The following EXD1 variants were observed in gnomAD, a reference collection of about 807,000 sequenced individuals.
EXD1 encodes piRNA biogenesis protein EXD1.
A neutral mutation model predicts 49.1 loss-of-function variants in EXD1; 63 were observed. The observed-to-expected ratio is 1.28, with a 90% CI of 1.05 to 1.58. EXD1 has a LOEUF of 1.58. Among genes scored for constraint, EXD1 ranks in the 40% most tolerant of loss-of-function variants. The pLI is 0.00. For synonymous variants in EXD1, 234 were observed against 239.2 expected (o/e 0.98, Z 0.20); for missense variants, 748 against 666.0 (o/e 1.12, Z -1.36).
At chr15:41,215,636 A>G (rs1595453495) in intron 6 of EXD1, 139 bp downstream of exon 6, 1 of 791,194 alleles carries the variant, frequency 1.3e-6, no homozygotes, top group East Asian at 2.6e-5. Context: ...CAGTGAGCCA[A>G]GATTGGTCCA....
intron 2 of EXD1, 98 bp from the exon 3 acceptor site, chr15:41,219,996 T>TA (rs2047062036): frequency 3.3e-5 from 28 of 849,862 alleles, no homozygotes; most frequent in Middle Eastern, 2.4e-4. Flanking sequence ...TGAGTTGTAT[T>TA]TAAAAAAAAA....
chr15:41,202,690 C>A (rs1011491688), intron 7 of EXD1, among the ~76,000 whole-genome samples: 1 of 152,126 alleles, frequency 6.6e-6, no homozygotes, highest in Non-Finnish European at 1.5e-5. Context: ...TGGTCTCCAA[C>A]TCCTGGCTTC....
At chr15:41,204,902 G>A (rs764279035) in intron 7 of EXD1, among the ~76,000 whole-genome samples, 5 of 152,092 alleles carry the variant, frequency 3.3e-5, no homozygotes, top group African/African-American at 9.7e-5. Context: ...AGAGGGTCCC[G>A]CTACATACCA....
At chr15:41,186,505 A>C in intron 11 of EXD1, among the ~76,000 whole-genome samples, 1 of 150,198 alleles carries the variant, frequency 6.7e-6, no homozygotes, top group Non-Finnish European at 1.5e-5. Flanking sequence ...AAAAAAAAGA[A>C]TGGTTGCATT....
In EXD1 at chr15:41,189,949, A is replaced by C; in HGVS notation, c.1044T>G (p.Leu348=). 6.2e-7 allele frequency: 1 copy of C among 1,613,990 alleles called. No individual in the cohort carries two copies. The highest frequency in any genetic ancestry group is 8.5e-7 in the Non-Finnish European group (1 of 1,179,932). The change falls in exon 11 of 12, where the codon CTT becomes CTG. Residue 348 remains leucine (L), a synonymous_variant. Coordinates refer to ENST00000458580, the MANE Select transcript of EXD1 (RefSeq NM_001286441.2). ...NTYREGSADR[L]GGTEPTCMEL... ...GAGCTGCACCTACCTCAGTGCCTCC[A>C]AGCCGGTCTGCAGACCCTTCGCGAT...
chr15:41,215,924 C>G, intron 5 of EXD1, 91 bp from the exon 6 acceptor site: 1 of 1,293,266 alleles, frequency 7.7e-7, no homozygotes, highest in Non-Finnish European at 1.1e-6. Context: ...TATATTCCTA[C>G]TGTATTGCAA....
At chr15:41,228,983 AG>A (rs1235411977) in intron 1 of EXD1, among the ~76,000 whole-genome samples, 1 of 152,190 alleles carries the variant, frequency 6.6e-6, no homozygotes, top group Non-Finnish European at 1.5e-5. Flanking sequence ...GAAGGAAAAA[AG>A]TAAGGTCAGC....
Position 41,193,753 on chromosome 15 carries a change from A to T in EXD1, c.720+2022T>A, listed in dbSNP as rs2046568102. 4.6e-5 allele frequency among the ~76,000 whole-genome samples: 7 copies of T among 151,980 alleles called. No homozygotes were observed. The South Asian group carries it at 1.2e-3, about 27-fold the overall frequency. On this transcript the variant is annotated intron_variant, in intron 9 of 11. Coordinates refer to ENST00000458580, the MANE Select transcript of EXD1 (RefSeq NM_001286441.2). ...AGAGCCAGACCTTGTCTCAAAAAAA[A>T]AAAATTACTTTTATTATCTACTGGT...
At chr15:41,186,470 C>CAAAAAA (rs58793050) in intron 11 of EXD1, among the ~76,000 whole-genome samples, 2 of 68,282 alleles carry the variant, frequency 2.9e-5, no homozygotes, top group Non-Finnish European at 5.5e-5. Context: ...GACTCTGTCT[C>CAAAAAA]AAAAAAAAAA....
chr15:41,227,728 A>C (rs891951502), intron 1 of EXD1, among the ~76,000 whole-genome samples: 1 of 152,162 alleles, frequency 6.6e-6, no homozygotes, highest in South Asian at 2.1e-4. Context: ...AAAGTAAAGA[A>C]AAAATGTACT....
rs1289031526 is a variant in EXD1, at chr15:41,216,669, T to A, written c.387A>T (p.Ser129=). 1.2e-6 allele frequency: 2 copies of A among 1,609,284 alleles called. No individual in the cohort carries two copies. Among genetic ancestry groups the A allele is most frequent in the East Asian group, 2.2e-5 (1 of 44,860 alleles). The change falls in exon 5 of 12, where the codon TCA becomes TCT. Residue 129 remains serine, a splice_region_variant and synonymous_variant. Coordinates refer to ENST00000458580, the MANE Select transcript of EXD1 (RefSeq NM_001286441.2). ...SLLNDLKYSP[S]EEEEVTYTVI... ...AAAATTCAGAGCCCCTATATTCACC[T>A]GATGGGCTGTACTTGAGGTCATTCA...
intron 11 of EXD1, among the ~76,000 whole-genome samples, chr15:41,189,241 G>A (rs182135552): frequency 5.3e-5 from 8 of 151,734 alleles, no homozygotes; most frequent in Admixed American, 2.6e-4. Context: ...GGTGGCAGGT[G>A]CCTGTAATCC....
Position 41,230,091 on chromosome 15 carries a change from T to C in EXD1, c.-54+388A>G, listed in dbSNP as rs532613078. Among the ~76,000 whole-genome samples the C allele has an allele frequency of 8.0e-5, 12 of 149,860 alleles. No homozygotes were observed. In the East Asian group the frequency reaches 1.6e-3, roughly 19 times the overall value. On this transcript the variant is annotated intron_variant, in intron 1 of 11. Transcript: ENST00000458580. ...AACGGGTGGCTTTTACCTTTTTTTT[T>C]TTTTTTTTTTGAGACGGAGTCTTGC...
chr15:41,215,461 T>C (rs112398579), intron 6 of EXD1, among the ~76,000 whole-genome samples: 24,474 of 151,642 alleles, frequency 0.16, 3,631 homozygotes, highest in African/African-American at 0.39. Flanking sequence ...CCGAGGCGGG[T>C]GGATCACGAG....
rs551607513 is a variant in EXD1, at chr15:41,216,056, T to C, written c.389-223A>G. 7.9e-5 allele frequency among the ~76,000 whole-genome samples: 12 copies of C among 152,254 alleles called. No individual in the cohort carries two copies. In the East Asian group the frequency reaches 2.3e-3, roughly 29 times the overall value. On this transcript the variant is annotated intron_variant, in intron 5 of 11. Transcript: ENST00000458580. ...TTACTTATTTATCTAATTTAGCATC[T>C]GTTTGCTGCTCAGTAAGGGGAGGGA...
intron 7 of EXD1, among the ~76,000 whole-genome samples, chr15:41,208,489 A>G (rs1458748115): frequency 6.6e-6 from 1 of 151,854 alleles, no homozygotes; most frequent in Non-Finnish European, 1.5e-5. Flanking sequence ...GTGGTGGCTC[A>G]CGTCTGTAAT....
At chr15:41,206,884 T>G (rs1314031273) in intron 7 of EXD1, among the ~76,000 whole-genome samples, 2 of 138,350 alleles carry the variant, frequency 1.4e-5, no homozygotes, top group Non-Finnish European at 3.0e-5. Context: ...CCTCCCAAAG[T>G]GCTGGGATTA....
Position 41,195,932 on chromosome 15 carries a change from C to A in EXD1, c.639+1G>T, listed in dbSNP as rs369893557. Reference sequence around the variant, plus strand: ...GCACAGGAATCAGTTTATATACTTACCTTCAAAATTCTCTTGTCTTCTAGT... The same window carrying A: ...GCACAGGAATCAGTTTATATACTTAACTTCAAAATTCTCTTGTCTTCTAGT... On this transcript the variant is annotated splice_donor_variant, in intron 8 of 11. Coordinates refer to ENST00000458580, the MANE Select transcript of EXD1 (RefSeq NM_001286441.2). LOFTEE classifies it high-confidence loss of function. 57 of 1,609,498 alleles carry A rather than the reference C, an allele frequency of 3.5e-5. No individual in the cohort carries two copies. The highest frequency in any genetic ancestry group is 4.8e-5 in the Non-Finnish European group (56 of 1,177,960).
At chr15:41,193,745 CA>C (rs34072752) in intron 9 of EXD1, among the ~76,000 whole-genome samples, 54 of 140,100 alleles carry the variant, frequency 3.9e-4, no homozygotes, top group Admixed American at 2.9e-4. Flanking sequence ...GACCTTGTCT[CA>C]AAAAAAAAAA....
Sources: gnomAD v4.1 joint callset for allele counts (sites outside exome capture counted in the v4.1 genomes callset) on GRCh38, gnomAD v4.1.1 for gene constraint, MANE v1.5 for transcripts, NCBI Gene and HGNC (gene_info 2026-07-23, HGNC 2026-07-21) for gene names.